The following GDPD2 variants were observed in gnomAD, a reference collection of about 807,000 sequenced individuals.
GDPD2 encodes glycerophosphodiester phosphodiesterase 3.
GDPD2 carries 23 observed loss-of-function variants against 49.2 expected under a neutral mutation model. The observed-to-expected ratio is 0.47, with a 90% CI of 0.34 to 0.66. The LOEUF (loss-of-function observed/expected upper bound fraction) is 0.66, where lower values mean the gene tolerates loss of function less well. Ranked by LOEUF, GDPD2 falls within the 30% of genes least tolerant of loss-of-function variation. The pLI is 0.01. For synonymous variants in GDPD2, 167 were observed against 171.4 expected, an observed-to-expected ratio of 0.97 and a Z score of 0.20; for missense variants, 338 against 424.7, an observed-to-expected ratio of 0.80 and a Z score of 1.79.
In GDPD2 at chrX:70,426,077, G is replaced by A; in HGVS notation, c.329G>A (p.Cys110Tyr). The change falls in exon 5 of 16, where the codon TGT (cysteine) becomes TAT (tyrosine). Residue 110 changes from cysteine to tyrosine, a missense_variant. Coordinates refer to ENST00000374382, the MANE Select transcript of GDPD2 (RefSeq NM_017711.4). ...GTCCTGGCCCTGCTCCTGCGGCTTT[G>A]TAGACAGCCCCTGCATCTGCACAGC... ...LLVLALLLRL[C>Y]RQPLHLHSLH... is the part of the protein sequence containing the mutation. 2 of 1,208,746 alleles carry A rather than the reference G, an allele frequency of 1.7e-6. No homozygotes were observed. The highest frequency in any genetic ancestry group is 2.2e-6 in the Non-Finnish European group (2 of 892,580).
intron 12 of GDPD2, among the ~76,000 whole-genome samples, chrX:70,431,357 A>C (rs771663799): frequency 1.2e-4 from 13 of 112,859 alleles, no homozygotes; most frequent in Non-Finnish European, 2.4e-4. Flanking sequence ...CCAGGGATAG[A>C]TGGAAAGACC....
intron 3 of GDPD2, 57 bp downstream of exon 3, chrX:70,425,514 T>TCCCAGGGTG: frequency 1.2e-6 from 1 of 839,271 alleles, no homozygotes; most frequent in Non-Finnish European, 1.8e-6. Flanking sequence ...CTCCCCACCC[T>TCCCAGGGTG]GGGACCCGGG....
rs2086421753 is a variant in GDPD2 at position 70,426,195 on chromosome X, T to C, written c.363+84T>C. On this transcript the variant is annotated intron_variant, in intron 5 of 15. Transcript: ENST00000374382. The stretch of plus-strand genomic sequence containing the variant: ...CTATTTGCTGAGGACCTCACTTTTA[T>C]ACCCCCGGGGGGTCAAGCCCAGGAC... The C allele has an allele frequency of 4.3e-5, 39 of 907,544 alleles. No homozygotes were observed. The South Asian group carries it at 7.3e-4, about 17-fold the overall frequency. 74.8% of individuals were successfully genotyped at this position (907,544 alleles called of 1,213,427 possible).
chrX:70,432,714 G>A, intron 14 of GDPD2, 53 bp downstream of exon 14: 1 of 922,793 alleles, frequency 1.1e-6, no homozygotes, highest in African/African-American at 1.9e-5. Context: ...CAGGGCCCTG[G>A]TGATGAGGCT....
rs750242460 is a variant in GDPD2, at chrX:70,429,927, C to T, written c.1171C>T (p.Pro391Ser). 5.8e-6 allele frequency: 7 copies of T among 1,211,436 alleles called. No individual in the cohort carries two copies. Among genetic ancestry groups the T allele is most frequent in the Non-Finnish European group, 6.7e-6 (6 of 894,997 alleles). Residue 391 changes from proline to serine, a missense_variant, in exon 12 of 16, where the codon CCA becomes TCA. Physicochemically the swap from Pro to Ser is moderately conservative, Grantham distance 74. This residue lies in a region of GDPD2 where 253 missense variants were observed against 330.4 expected (regional missense o/e 0.77). Transcript: ENST00000374382. Reference sequence around the variant, plus strand: ...TCCTGAACCACAGGTCTTTTGGCTACCAGATGAAGATCGGGCTAATGTCCA... The same window carrying T: ...TCCTGAACCACAGGTCTTTTGGCTATCAGATGAAGATCGGGCTAATGTCCA... ...RVPQAMVFWL[P>S]DEDRANVQRR...
intron 11 of GDPD2, 79 bp from the exon 12 acceptor site, chrX:70,429,836 C>A (rs1266221034): frequency 1.8e-6 from 2 of 1,142,631 alleles, no homozygotes; most frequent in African/African-American, 1.8e-5. Context: ...ATTCTGTGGT[C>A]AAAACTGTTT....
chrX:70,433,064 T>C lies in GDPD2; in HGVS notation c.1598T>C (p.Ile533Thr). 1 of 1,201,499 alleles carries C rather than the reference T, an allele frequency of 8.3e-7. No homozygotes were observed. Among genetic ancestry groups the C allele is most frequent in the South Asian group, 1.8e-5 (1 of 56,066 alleles). ...GAAACAGCAGTGCTGCTGACAAGGA[T>C]CAACAATTTCATGATGGAGTGAATG... ...GLETAVLLTR[I>T]NNFMME Residue 533 changes from isoleucine (I) to threonine (T), a missense_variant, in exon 16 of 16, where the codon ATC (isoleucine) becomes ACC (threonine). Ile to Thr is a moderately conservative substitution (Grantham distance 89). Coordinates refer to ENST00000374382, the MANE Select transcript of GDPD2 (RefSeq NM_017711.4).
rs755557643 is a variant in GDPD2 at position 70,432,919 on chromosome X, G to A, written c.1546G>A (p.Val516Ile). 8.4e-6 allele frequency: 10 copies of A among 1,190,744 alleles called. No homozygotes were observed. The highest frequency in any genetic ancestry group is 1.1e-5 in the Non-Finnish European group (10 of 878,075). ...LWTFLLQRRF[V>I]KKRGKTGLET... The stretch of plus-strand genomic sequence containing the variant: ...AAGCTTTTCTCCCCACAGAAGATTT[G>A]TTAAGAAGAGAGGGAAAACTGGTAA... Residue 516 changes from valine (V) to isoleucine (I), a missense_variant, in exon 15 of 16, where the codon GTT becomes ATT. By Grantham distance (29) the Val-to-Ile change is conservative. Coordinates refer to ENST00000374382, the MANE Select transcript of GDPD2 (RefSeq NM_017711.4).
Position 70,426,487 on chromosome X carries a change from A to G in GDPD2, c.462+18A>G, listed in dbSNP as rs756427350. Reference sequence around the variant, plus strand: ...CACTGCAGGTGAGTGGCCAACCTCCAGTGTCTAGACGGGAGCCTTGGCTTG... The same window carrying G: ...CACTGCAGGTGAGTGGCCAACCTCCGGTGTCTAGACGGGAGCCTTGGCTTG... On this transcript the variant is annotated intron_variant, in intron 6 of 15. Coordinates refer to ENST00000374382, the MANE Select transcript of GDPD2 (RefSeq NM_017711.4). The G allele has an allele frequency of 8.5e-7, 1 of 1,177,823 alleles. No homozygotes were observed. Among genetic ancestry groups the G allele is most frequent in the South Asian group, 1.8e-5 (1 of 55,913 alleles).
intron 12 of GDPD2, among the ~76,000 whole-genome samples, chrX:70,430,802 A>G (rs1223196171): frequency 9.1e-6 from 1 of 110,322 alleles, no homozygotes; most frequent in African/African-American, 3.4e-5. Flanking sequence ...TTGAATTTTA[A>G]TTAAAAAAAT....
chrX:70,428,098 C>CACAT (rs1040263652), intron 10 of GDPD2, among the ~76,000 whole-genome samples: 2 of 15,118 alleles, frequency 1.3e-4, no homozygotes, highest in African/African-American at 1.9e-4. Flanking sequence ...TGGATACACA[C>CACAT]ACACACACAC....
rs745627490 is a variant in GDPD2, at chrX:70,432,434, C to T, written c.1435C>T (p.Arg479Cys). The T allele has an allele frequency of 4.1e-6, 5 of 1,208,346 alleles. No individual in the cohort carries two copies. Among genetic ancestry groups the T allele is most frequent in the South Asian group, 1.8e-5 (1 of 56,669 alleles). Residue 479 changes from arginine (R) to cysteine (C), a missense_variant, in exon 13 of 16, where the codon CGT (arginine) becomes TGT (cysteine). Physicochemically the swap from Arg to Cys is radical, Grantham distance 180. Around this residue, in one of 3 missense-constraint regions of GDPD2, gnomAD observed 253 missense variants for 330.4 expected, o/e 0.77. Transcript: ENST00000374382. ...CGACTGCCAGCTGCTGCAGCAGATG[C>T]GTTACCCTATCTGGCTTATTGTAAG... is the stretch of plus-strand genomic sequence containing the variant. ...TNDCQLLQQM[R>C]YPIWLITPQT...
chrX:70,423,692 G>T (rs2086397334), intron 1 of GDPD2, among the ~76,000 whole-genome samples: 1 of 111,332 alleles, frequency 9.0e-6, no homozygotes. Context: ...TTACCGGGAA[G>T]GGTCTCGTAG....
At chrX:70,427,557 C>A in intron 10 of GDPD2, 94 bp downstream of exon 10, 1 of 740,786 alleles carries the variant, frequency 1.3e-6, no homozygotes, top group Non-Finnish European at 2.0e-6. Context: ...CAGCCCTGTG[C>A]TAGGCAATAA....
chrX:70,429,614 T>C lies in GDPD2; in HGVS notation c.1058T>C (p.Met353Thr). The change falls in exon 11 of 16, where the codon ATG becomes ACG. Residue 353 changes from methionine (M) to threonine (T), a missense_variant. Met to Thr is a moderately conservative substitution (Grantham distance 81). Around this residue, in one of 3 missense-constraint regions of GDPD2, gnomAD observed 253 missense variants for 330.4 expected, o/e 0.77. Coordinates refer to ENST00000374382, the MANE Select transcript of GDPD2 (RefSeq NM_017711.4). ...EEAAALNLSI[M>T]FDLRRPPQNH... Reference sequence around the variant, plus strand: ...GCTGCAGCCCTCAACCTTTCCATCATGTTCGACTTGCGCCGACCCCCACAG... The same window carrying C: ...GCTGCAGCCCTCAACCTTTCCATCACGTTCGACTTGCGCCGACCCCCACAG... 3 of 1,208,288 alleles carry C rather than the reference T, an allele frequency of 2.5e-6. No homozygotes were observed. Among genetic ancestry groups the C allele is most frequent in the Non-Finnish European group, 3.4e-6 (3 of 892,507 alleles).
intron 2 of GDPD2, 24 bp downstream of exon 2, chrX:70,425,113 G>T: frequency 9.2e-7 from 1 of 1,081,186 alleles, no homozygotes. Context: ...GGAGGGGGGA[G>T]GCTGGAAGTC....
At chrX:70,429,801 G>A (rs748500485) in intron 11 of GDPD2, 87 bp downstream of exon 11, 40 of 1,065,448 alleles carry the variant, frequency 3.8e-5, no homozygotes, top group Non-Finnish European at 4.6e-5. Flanking sequence ...CTACCCCCAG[G>A]GCCCTGCCCC....
At chrX:70,431,235 TC>T in intron 12 of GDPD2, 1 of 571,591 alleles carries the variant, frequency 1.7e-6, no homozygotes, top group Non-Finnish European at 2.8e-6. Context: ...CAACTGCTGA[TC>T]ATGTTTCCAA....
chrX:70,426,620 A>T (rs1418102274), intron 6 of GDPD2, 28 bp from the exon 7 acceptor site: 1 of 1,134,004 alleles, frequency 8.8e-7, no homozygotes, highest in African/African-American at 1.8e-5. Flanking sequence ...ACTGGAGAAG[A>T]GCCCACCTCA....
Sources: allele counts gnomAD v4.1 joint callset (sites outside exome capture counted in the v4.1 genomes callset), GRCh38; gene constraint gnomAD v4.1.1; regional missense constraint gnomAD v4.1.1; transcripts MANE v1.5; gene names NCBI Gene and HGNC (gene_info 2026-07-23, HGNC 2026-07-21).